The following DNER variants were observed in gnomAD, a reference collection of about 807,000 sequenced individuals.
The protein encoded by DNER is delta/notch like EGF repeat containing.
Under a neutral mutation model 78.2 loss-of-function variants are expected in DNER, and 33 were observed. The observed-to-expected ratio is 0.42, with a 90% CI of 0.32 to 0.56. DNER has a LOEUF of 0.56. Among genes scored for constraint, DNER ranks in the 20% least tolerant of loss-of-function variants. The pLI is 0.11. For missense variants in DNER, 918 were observed against 975.3 expected (o/e 0.94, Z 0.78); for synonymous variants, 417 against 384.8 (o/e 1.08, Z -0.98).
chr2:229,400,707 A>G (rs1311117829), intron 10 of DNER, among the ~76,000 whole-genome samples: 1 of 152,120 alleles, frequency 6.6e-6, no homozygotes, highest in Non-Finnish European at 1.5e-5. Flanking sequence ...ATAAATACAC[A>G]AATGGAGGAG....
chr2:229,377,606 C>G (rs1261373963), intron 11 of DNER, among the ~76,000 whole-genome samples: 1 of 152,228 alleles, frequency 6.6e-6, no homozygotes, highest in Middle Eastern at 3.4e-3. Flanking sequence ...GCTATTTGAT[C>G]GATTCTATTA....
chr2:229,542,433 C>G, intron 5 of DNER, among the ~76,000 whole-genome samples: 1 of 152,114 alleles, frequency 6.6e-6, no homozygotes, highest in Non-Finnish European at 1.5e-5. Context: ...GAAATACGCC[C>G]TCGCCCAAGT....
intron 7 of DNER, among the ~76,000 whole-genome samples, chr2:229,469,758 C>T (rs1164020148): frequency 6.6e-6 from 1 of 152,176 alleles, no homozygotes; most frequent in Non-Finnish European, 1.5e-5. Context: ...GCTTGGCCAA[C>T]ATGGCGAAAT....
intron 1 of DNER, among the ~76,000 whole-genome samples, chr2:229,684,500 G>A (rs1699451731): frequency 6.6e-6 from 1 of 151,808 alleles, no homozygotes; most frequent in Non-Finnish European, 1.5e-5. Flanking sequence ...TTTCCCTCTG[G>A]AGATGTCTCT....
chr2:229,431,889 C>T (rs1694015352), intron 8 of DNER, among the ~76,000 whole-genome samples: 1 of 152,106 alleles, frequency 6.6e-6, no homozygotes, highest in Non-Finnish European at 1.5e-5. Flanking sequence ...GAAGAAATCC[C>T]ATTCCCTTTA....
intron 1 of DNER, among the ~76,000 whole-genome samples, chr2:229,678,275 C>T (rs868814059): frequency 4.6e-5 from 7 of 152,130 alleles, no homozygotes; most frequent in Non-Finnish European, 8.8e-5. Flanking sequence ...AGTCGCTTCT[C>T]GATTCCTTCC....
At chr2:229,358,724 A>G (rs1692146228) in intron 12 of DNER, 73 bp from the exon 13 acceptor site, 5 of 1,224,028 alleles carry the variant, frequency 4.1e-6, no homozygotes, top group Non-Finnish European at 5.9e-6. Flanking sequence ...AGTGATGAGA[A>G]TAATTTATAT....
intron 5 of DNER, among the ~76,000 whole-genome samples, chr2:229,525,977 C>CTTATG (rs993325664): frequency 1.2e-4 from 18 of 152,258 alleles, no homozygotes; most frequent in African/African-American, 4.3e-4. Flanking sequence ...TTAATTAAAT[C>CTTATG]TTATTAAATG....
intron 12 of DNER, among the ~76,000 whole-genome samples, chr2:229,363,126 T>C (rs1692253737): frequency 6.6e-6 from 1 of 152,162 alleles, no homozygotes; most frequent in African/African-American, 2.4e-5. Flanking sequence ...CTTCCCTGCC[T>C]GAGTACAAGC....
At position 229,574,448 on chromosome 2, in the gene DNER, A is replaced by C. The variant is rs1386978523; in HGVS notation, c.847+11410T>G. Among the ~76,000 whole-genome samples, 3 of 151,608 alleles carry C rather than the reference A, an allele frequency of 2.0e-5. No individual in the cohort carries two copies. The East Asian group carries it at 5.8e-4, about 29-fold the overall frequency. ...CTGTTAGAGATTTATATTTATTAACATAAAAGATTGTCAGTGAAACATTAA... is the reference window on the plus strand; with the variant it reads ...CTGTTAGAGATTTATATTTATTAACCTAAAAGATTGTCAGTGAAACATTAA... On this transcript the variant is annotated intron_variant, in intron 4 of 12. Transcript: ENST00000341772.
chr2:229,710,976 T>TAC (rs1372271401), intron 1 of DNER, among the ~76,000 whole-genome samples: 79 of 90,380 alleles, frequency 8.7e-4, no homozygotes, highest in African/African-American at 3.9e-3. Flanking sequence ...ATGGCATGCA[T>TAC]ACACGCGCAC....
intron 1 of DNER, among the ~76,000 whole-genome samples, chr2:229,709,768 G>A (rs527518249): frequency 9.2e-5 from 14 of 152,004 alleles, no homozygotes; most frequent in East Asian, 5.8e-4. Flanking sequence ...AACATGTAAC[G>A]AAAAAACAAA....
At chr2:229,422,026 A>T (rs1485754917) in intron 8 of DNER, among the ~76,000 whole-genome samples, 1 of 152,192 alleles carries the variant, frequency 6.6e-6, no homozygotes, top group Non-Finnish European at 1.5e-5. Flanking sequence ...TATTTTACAG[A>T]GATAATTAAG....
chr2:229,525,659 C>T (rs927276172), intron 5 of DNER, among the ~76,000 whole-genome samples: 5 of 152,172 alleles, frequency 3.3e-5, no homozygotes, highest in Non-Finnish European at 5.9e-5. Flanking sequence ...GTTGCCTGGG[C>T]GGGAGTGCAA....
intron 1 of DNER, among the ~76,000 whole-genome samples, chr2:229,616,115 T>C (rs1051170391): frequency 2.0e-5 from 3 of 152,244 alleles, no homozygotes; most frequent in African/African-American, 7.2e-5. Context: ...TATAATGTGG[T>C]AGAAAATATT....
chr2:229,381,416 C>T (rs1268262035), intron 11 of DNER, among the ~76,000 whole-genome samples: 1 of 152,104 alleles, frequency 6.6e-6, no homozygotes, highest in African/African-American at 2.4e-5. Context: ...CCTGGAACAC[C>T]AGTGAGACAA....
intron 7 of DNER, among the ~76,000 whole-genome samples, chr2:229,448,990 C>T (rs542715614): frequency 5.3e-5 from 8 of 152,234 alleles, no homozygotes; most frequent in African/African-American, 1.4e-4. Flanking sequence ...TTATGTGAAG[C>T]ACCACTCATA....
chr2:229,362,443 C>T (rs1692238285), intron 12 of DNER, among the ~76,000 whole-genome samples: 1 of 152,206 alleles, frequency 6.6e-6, no homozygotes, highest in South Asian at 2.1e-4. Flanking sequence ...TGACAAGAGG[C>T]TATGTACTTC....
chr2:229,587,758 C>G (rs1013916807), intron 3 of DNER, among the ~76,000 whole-genome samples: 3 of 152,102 alleles, frequency 2.0e-5, no homozygotes, highest in African/African-American at 7.2e-5. Context: ...ATACCCCACC[C>G]CCAGCTTTGT....
Sources: allele counts gnomAD v4.1 joint callset (sites outside exome capture counted in the v4.1 genomes callset), GRCh38; gene constraint gnomAD v4.1.1; transcripts MANE v1.5; gene names NCBI Gene and HGNC (gene_info 2026-07-23, HGNC 2026-07-21).